PSPC1: variants seen among roughly 807,000 people sequenced by gnomAD.
PSPC1 encodes the protein paraspeckle protein 1.
PSPC1 carries 14 observed loss-of-function variants against 51.6 expected under a neutral mutation model. The observed-to-expected ratio is 0.27, with a 90% CI of 0.18 to 0.42. PSPC1 has a LOEUF of 0.42. PSPC1 is among the 10% of genes least tolerant of loss of function. PSPC1 has a pLI of 1.00. For missense variants in PSPC1, 406 were observed against 701.1 expected (o/e 0.58, Z 4.75); for synonymous variants, 193 against 231.9 (o/e 0.83, Z 1.53).
chr13:19,775,721 C>T (rs1050465207), intron 1 of PSPC1, among the ~76,000 whole-genome samples: 1 of 152,166 alleles, frequency 6.6e-6, no homozygotes, highest in Non-Finnish European at 1.5e-5. Context: ...TATAATCCAA[C>T]AACTCTTAAG....
chr13:19,763,798 T>G (rs1469659138), intron 2 of PSPC1, among the ~76,000 whole-genome samples: 1 of 152,104 alleles, frequency 6.6e-6, no homozygotes, highest in African/African-American at 2.4e-5. Context: ...GTTAGGAGTT[T>G]GAGACCAGCC....
Position 19,759,275 on chromosome 13 carries a change from A to ATTTGTTTTC in PSPC1, c.770+47_770+48insGAAAACAAA, listed in dbSNP as rs774735335. The ATTTGTTTTC allele has an allele frequency of 6.4e-6, 9 of 1,406,900 alleles. No individual in the cohort carries two copies. In the Admixed American group the frequency reaches 1.5e-4, roughly 24 times the overall value. The allele number at this position is 1,406,900 out of a possible 1,614,324, so 87.2% of individuals were successfully genotyped here. On this transcript the variant is annotated intron_variant, in intron 3 of 8. Coordinates refer to ENST00000338910, the MANE Select transcript of PSPC1 (RefSeq NM_001354909.2). ...CCAATATTTGAAAACAAATGTAATGAACACCCTTAATAGTACAGACACAAA... is the reference window on the plus strand; with the variant it reads ...CCAATATTTGAAAACAAATGTAATGATTTGTTTTCACACCCTTAATAGTACAGACACAAA...
chr13:19,712,121 G>A (rs978302920), intron 6 of PSPC1, among the ~76,000 whole-genome samples: 4 of 152,090 alleles, frequency 2.6e-5, no homozygotes, highest in South Asian at 2.1e-4. Flanking sequence ...TAGACATTTC[G>A]TTGTTCAGAA....
At chr13:19,770,114 A>T (rs554248357) in intron 2 of PSPC1, among the ~76,000 whole-genome samples, 2 of 152,370 alleles carry the variant, frequency 1.3e-5, no homozygotes, top group South Asian at 2.1e-4. Flanking sequence ...AATACTATAC[A>T]CACAAAGATA....
chr13:19,748,243 C>T (rs1308026619), intron 4 of PSPC1, among the ~76,000 whole-genome samples: 1 of 150,508 alleles, frequency 6.6e-6, no homozygotes, highest in East Asian at 1.9e-4. Context: ...AAAAGAAATA[C>T]AAAATTGTAG....
intron 6 of PSPC1, among the ~76,000 whole-genome samples, chr13:19,679,927 T>G (rs1877086352): frequency 6.6e-6 from 1 of 152,230 alleles, no homozygotes; most frequent in African/African-American, 2.4e-5. Context: ...GAATACTCAA[T>G]TTATAAACCA....
intron 6 of PSPC1, among the ~76,000 whole-genome samples, chr13:19,691,450 G>C (rs998700005): frequency 1.3e-5 from 2 of 152,108 alleles, no homozygotes; most frequent in African/African-American, 2.4e-5. Flanking sequence ...TTGGGCCTAG[G>C]AGTTTGAGGC....
At chr13:19,730,946 GAAAAAAAAAACAAAAAAACAA>G (rs1883983258) in intron 5 of PSPC1, among the ~76,000 whole-genome samples, 1 of 25,222 alleles carries the variant, frequency 4.0e-5, no homozygotes, top group East Asian at 4.0e-3. Flanking sequence ...CCCTGTCTCA[GAAAAAAAAAACAAAAAAACAA>G]AAAAAAAAAA....
At chr13:19,727,852 G>A (rs1020133806) in intron 6 of PSPC1, among the ~76,000 whole-genome samples, 10 of 152,096 alleles carry the variant, frequency 6.6e-5, no homozygotes, top group African/African-American at 2.4e-4. Context: ...GAAAAAAATT[G>A]AATACACTCT....
At chr13:19,671,353 A>G (rs1876116467), downstream of PSPC1, 3 of 1,454,484 alleles carry the variant, frequency 2.1e-6, no homozygotes, top group Non-Finnish European at 2.9e-6. Context: ...TACTTTATCA[A>G]CATTAGAAAA....
In PSPC1 at chr13:19,768,117, C is replaced by T. The variant is rs564298965; in HGVS notation, c.674+4125G>A. On this transcript the variant is annotated intron_variant, in intron 2 of 8. Transcript: ENST00000338910. Reference sequence around the variant, plus strand: ...GCACATGCCTGTAGTCCTAGCTACTCAGCAGGCTGAGGAAGGAGAATCATT... The same window carrying T: ...GCACATGCCTGTAGTCCTAGCTACTTAGCAGGCTGAGGAAGGAGAATCATT... 4.6e-5 allele frequency among the ~76,000 whole-genome samples: 7 copies of T among 151,924 alleles called. No homozygotes were observed. In the East Asian group the frequency reaches 1.4e-3, roughly 29 times the overall value.
At chr13:19,706,704 A>G (rs1218945423) in intron 7 of PSPC1, among the ~76,000 whole-genome samples, 1 of 152,022 alleles carries the variant, frequency 6.6e-6, no homozygotes, top group African/African-American at 2.4e-5. Flanking sequence ...TTTAAGTGTT[A>G]GTACTTATCA....
intron 2 of PSPC1, among the ~76,000 whole-genome samples, chr13:19,765,580 G>T (rs1398160788): frequency 5.4e-5 from 8 of 149,446 alleles, no homozygotes; most frequent in African/African-American, 2.0e-4. Flanking sequence ...GCAAACCTCA[G>T]CCTTCAGAGT....
chr13:19,730,136 G>T, intron 6 of PSPC1, 103 bp downstream of exon 6: 1 of 843,556 alleles, frequency 1.2e-6, no homozygotes, highest in Non-Finnish European at 1.9e-6. Context: ...AATTTAGAAA[G>T]ATTAGAAAAG....
intron 6 of PSPC1, among the ~76,000 whole-genome samples, chr13:19,714,031 T>A (rs1196876369): frequency 6.6e-6 from 1 of 152,220 alleles, no homozygotes; most frequent in African/African-American, 2.4e-5. Context: ...ATTTGTCACA[T>A]GGATAAAACT....
At chr13:19,719,711 A>C (rs1882538731) in intron 6 of PSPC1, among the ~76,000 whole-genome samples, 1 of 152,248 alleles carries the variant, frequency 6.6e-6, no homozygotes. Flanking sequence ...AATGTGTAGC[A>C]AAATTAATGG....
At chr13:19,738,491 G>A (rs967890929) in intron 5 of PSPC1, among the ~76,000 whole-genome samples, 20 of 152,118 alleles carry the variant, frequency 1.3e-4, no homozygotes, top group South Asian at 4.1e-4. Context: ...AAACAGCACT[G>A]TTTACAGAGA....
chr13:19,777,968 G>C (rs530941930), intron 1 of PSPC1, among the ~76,000 whole-genome samples: 1 of 151,986 alleles, frequency 6.6e-6, no homozygotes. Context: ...CCTTGGCTGG[G>C]CGCCGTGGCT....
At chr13:19,771,214 T>C (rs1888591015) in intron 2 of PSPC1, among the ~76,000 whole-genome samples, 1 of 152,240 alleles carries the variant, frequency 6.6e-6, no homozygotes, top group Non-Finnish European at 1.5e-5. Context: ...CTGGACTCAC[T>C]GCAACCTCCG....
Sources: gnomAD v4.1 joint callset for allele counts (sites outside exome capture counted in the v4.1 genomes callset) on GRCh38, gnomAD v4.1.1 for gene constraint, MANE v1.5 for transcripts, NCBI Gene and HGNC (gene_info 2026-07-23, HGNC 2026-07-21) for gene names.